YAP1: variants seen among roughly 807,000 people sequenced by gnomAD.
The protein encoded by YAP1 is Yes1 associated transcriptional regulator.
A neutral mutation model predicts 56.9 loss-of-function variants in YAP1; 5 were observed. That is an observed-to-expected ratio of 0.09 (90% CI 0.05 to 0.18). The LOEUF (loss-of-function observed/expected upper bound fraction) is 0.18, where lower values mean the gene tolerates loss of function less well. YAP1 is among the 10% of genes least tolerant of loss of function. The pLI, the probability that YAP1 is intolerant of heterozygous loss-of-function variation, is 1.00. For synonymous variants in YAP1, 265 were observed against 248.1 expected (o/e 1.07, Z -0.64); for missense variants, 539 against 651.8 (o/e 0.83, Z 1.88).
rs541898262 is a variant in YAP1, at chr11:102,191,611, G to A, written c.802+5480G>A. Among the ~76,000 whole-genome samples, 92 of 152,262 alleles carry A rather than the reference G, an allele frequency of 6.0e-4. 2 individuals are homozygous for A. In the South Asian group the frequency reaches 0.017, roughly 29 times the overall value. On this transcript the variant is annotated intron_variant, in intron 4 of 8. Coordinates refer to ENST00000282441, the MANE Select transcript of YAP1 (RefSeq NM_001130145.3). ...ATAGTGGTTAATGCACTTGCATCTT[G>A]TATTGTGACTCATCTTGAATAAGTT...
chr11:102,186,756 C>T (rs768326031), intron 4 of YAP1: 2 of 152,228 alleles, frequency 1.3e-5, no homozygotes, highest in Admixed American at 6.6e-5. Context: ...AACCCCTCCC[C>T]TTCCAAATGT....
rs778383575 is a variant in YAP1 at position 102,230,199 on chromosome 11, A to G, written c.*259A>G. Reference sequence around the variant, plus strand: ...TCTTTTGCTATTAAAACTACTGTTCATTTTGGGGGCTGGGGGAAGTGAGCC... The same window carrying G: ...TCTTTTGCTATTAAAACTACTGTTCGTTTTGGGGGCTGGGGGAAGTGAGCC... On this transcript the variant is annotated 3_prime_UTR_variant, in exon 9 of 9. Coordinates refer to ENST00000282441, the MANE Select transcript of YAP1 (RefSeq NM_001130145.3). 3.2e-6 allele frequency: 1 copy of G among 314,012 alleles called. No homozygotes were observed. The highest frequency in any genetic ancestry group is 5.9e-6 in the Non-Finnish European group (1 of 169,202). The allele number at this position is 314,012 out of a possible 1,614,324, so 19.5% of individuals were successfully genotyped here.
At chr11:102,167,607 G>A (rs867842908) in intron 3 of YAP1, among the ~76,000 whole-genome samples, 12 of 152,272 alleles carry the variant, frequency 7.9e-5, no homozygotes, top group Middle Eastern at 6.8e-3. Context: ...GGTGGTGCAC[G>A]CCTGTAGTCT....
intron 1 of YAP1, among the ~76,000 whole-genome samples, chr11:102,112,125 A>T (rs751074743): frequency 2.0e-5 from 3 of 152,232 alleles, no homozygotes; most frequent in Non-Finnish European, 4.4e-5. Context: ...CGAGGTTTTA[A>T]CACAAGCCTT....
At chr11:102,166,353 A>T (rs528432500) in intron 3 of YAP1, among the ~76,000 whole-genome samples, 1 of 152,162 alleles carries the variant, frequency 6.6e-6, no homozygotes, top group Non-Finnish European at 1.5e-5. Flanking sequence ...TGGTTTTGAC[A>T]TGTTTTGGAA....
At chr11:102,142,599 A>C (rs931414519) in intron 2 of YAP1, among the ~76,000 whole-genome samples, 3 of 152,252 alleles carry the variant, frequency 2.0e-5, no homozygotes, top group African/African-American at 7.2e-5. Flanking sequence ...AGCTTTGAGA[A>C]TCTATTCTTG....
chr11:102,203,876 A>G (rs1360582281), intron 4 of YAP1, among the ~76,000 whole-genome samples: 1 of 152,248 alleles, frequency 6.6e-6, no homozygotes, highest in East Asian at 1.9e-4. Context: ...AAAAAGATGT[A>G]AATGAATTAA....
At chr11:102,120,605 G>C (rs1202359562) in intron 2 of YAP1, among the ~76,000 whole-genome samples, 1 of 152,148 alleles carries the variant, frequency 6.6e-6, no homozygotes, top group Non-Finnish European at 1.5e-5. Context: ...TTCTCAGTTG[G>C]GGGTGGGTGA....
In YAP1 at chr11:102,110,841, C is replaced by G. The variant is rs1450408756; in HGVS notation, c.-8C>G. On this transcript the variant is annotated 5_prime_UTR_variant, in exon 1 of 9. Transcript: ENST00000282441. ...GTCAGGGGGTGCGCGTCGGGGGAGG[C>G]AGAAGCCATGGATCCCGGGCAGCAG... is the stretch of plus-strand genomic sequence containing the variant. 1 of 1,399,906 alleles carries G rather than the reference C, an allele frequency of 7.1e-7. No homozygotes were observed. Among genetic ancestry groups the G allele is most frequent in the South Asian group, 1.5e-5 (1 of 67,468 alleles). 86.7% of individuals were successfully genotyped at this position (1,399,906 alleles called of 1,614,324 possible).
Position 102,165,809 on chromosome 11 carries a change from G to A in YAP1, c.688+3238G>A, listed in dbSNP as rs150712760. 6.0e-3 allele frequency among the ~76,000 whole-genome samples: 910 copies of A among 152,258 alleles called. 3 individuals are homozygous for A. The highest frequency in any genetic ancestry group is 9.3e-3 in the Non-Finnish European group (633 of 68,014). ...GGATAACTGACAGAGCGAAGCCTCC[G>A]ATAAAGCAGAAGCGACAAGGAACCA... On this transcript the variant is annotated intron_variant, in intron 3 of 8. Coordinates refer to ENST00000282441, the MANE Select transcript of YAP1 (RefSeq NM_001130145.3).
chr11:102,177,675 CAAAAA>C (rs1022433513), intron 3 of YAP1, among the ~76,000 whole-genome samples: 3 of 55,020 alleles, frequency 5.5e-5, no homozygotes, highest in African/African-American at 1.2e-4. Context: ...GACTCGGTCT[CAAAAA>C]AAAAAAAAAA....
intron 2 of YAP1, among the ~76,000 whole-genome samples, chr11:102,154,163 T>A (rs1329988190): frequency 6.6e-6 from 1 of 152,160 alleles, no homozygotes; most frequent in Non-Finnish European, 1.5e-5. Flanking sequence ...GAAAGCTGTA[T>A]TTTCACTGAC....
intron 2 of YAP1, among the ~76,000 whole-genome samples, chr11:102,129,240 T>C (rs1171673055): frequency 7.8e-6 from 1 of 128,880 alleles, no homozygotes; most frequent in African/African-American, 3.5e-5. Context: ...CATAGAATAA[T>C]TTTTTTTTCT....
rs149597587 is a variant in YAP1, at chr11:102,183,524, G to C, written c.689-2494G>C. 9.2e-3 allele frequency among the ~76,000 whole-genome samples: 1,403 copies of C among 152,264 alleles called. 9 individuals carry two copies. Among genetic ancestry groups the C allele is most frequent in the Non-Finnish European group, 0.015 (1,053 of 68,020 alleles). On this transcript the variant is annotated intron_variant, in intron 3 of 8. Transcript: ENST00000282441. ...TTACTGAGGAAGTGGTCAAAAAAGA[G>C]AGCTGGTAAGTATTGATGGCTGAGT...
chr11:102,152,243 C>T (rs749923981), intron 2 of YAP1, among the ~76,000 whole-genome samples: 8 of 152,142 alleles, frequency 5.3e-5, no homozygotes, highest in Non-Finnish European at 5.9e-5. Flanking sequence ...CATTTCTCAC[C>T]GCTAATGAAA....
intron 4 of YAP1, among the ~76,000 whole-genome samples, chr11:102,187,594 C>T (rs1182201614): frequency 1.3e-5 from 2 of 152,086 alleles, no homozygotes; most frequent in African/African-American, 2.4e-5. Flanking sequence ...AATGGTGTTG[C>T]GGAATTTTTT....
chr11:102,138,626 G>T (rs951043838), intron 2 of YAP1, among the ~76,000 whole-genome samples: 1 of 152,152 alleles, frequency 6.6e-6, no homozygotes, highest in African/African-American at 2.4e-5. Flanking sequence ...TCTGGTACCC[G>T]TGTTTCGTTT....
intron 3 of YAP1, among the ~76,000 whole-genome samples, chr11:102,170,191 G>A (rs1159549258): frequency 6.6e-6 from 1 of 152,142 alleles, no homozygotes; most frequent in Non-Finnish European, 1.5e-5. Flanking sequence ...CGTCTCCACT[G>A]GGAATCACTC....
In YAP1 at chr11:102,183,977, G is replaced by T. The variant is rs547650041; in HGVS notation, c.689-2041G>T. ...CTGTAGTCCCAGCTACTTGGGAGGCGGAGGCAGGAGAATGGCGTGAACCCG... is the reference window on the plus strand; with the variant it reads ...CTGTAGTCCCAGCTACTTGGGAGGCTGAGGCAGGAGAATGGCGTGAACCCG... On this transcript the variant is annotated intron_variant, in intron 3 of 8. Transcript: ENST00000282441. 5.6e-3 allele frequency among the ~76,000 whole-genome samples: 837 copies of T among 150,392 alleles called. 6 individuals are homozygous for T. Among genetic ancestry groups the T allele is most frequent in the African/African-American group, 0.019 (785 of 41,050 alleles).
Sources: allele counts gnomAD v4.1 joint callset (sites outside exome capture counted in the v4.1 genomes callset), GRCh38; gene constraint gnomAD v4.1.1; transcripts MANE v1.5; gene names NCBI Gene and HGNC (gene_info 2026-07-23, HGNC 2026-07-21).